The following REC114 variants were observed in gnomAD, a reference collection of about 807,000 sequenced individuals.
REC114 encodes the protein meiotic recombination protein REC114.
A neutral mutation model predicts 31.3 loss-of-function variants in REC114; 27 were observed. That is an observed-to-expected ratio of 0.86 (90% CI 0.64 to 1.19). The LOEUF is 1.19. Ranked by LOEUF, REC114 falls within the 50% of genes most tolerant of loss-of-function variation. The pLI is 0.00. For missense variants in REC114, 344 were observed against 326.9 expected, an observed-to-expected ratio of 1.05 and a Z score of -0.40; for synonymous variants, 134 against 127.7, an observed-to-expected ratio of 1.05 and a Z score of -0.33.
chr15:73,501,139 G>A (rs1893599172), intron 2 of REC114, among the ~76,000 whole-genome samples: 1 of 152,088 alleles, frequency 6.6e-6, no homozygotes, highest in African/African-American at 2.4e-5. Flanking sequence ...GTGTAAATGA[G>A]GTTATGGTAT....
intron 2 of REC114, among the ~76,000 whole-genome samples, chr15:73,503,032 A>T (rs1468239511): frequency 1.3e-5 from 2 of 152,234 alleles, no homozygotes; most frequent in African/African-American, 4.8e-5. Context: ...GTTTGCAAGG[A>T]TGCAGAATAA....
At chr15:73,489,796 G>A (rs1224746449) in intron 2 of REC114, among the ~76,000 whole-genome samples, 1 of 151,610 alleles carries the variant, frequency 6.6e-6, no homozygotes, top group Admixed American at 6.6e-5. Context: ...CCTTCCTCAG[G>A]CAGCAGTTCC....
chr15:73,477,758 C>G (rs1273137378), intron 2 of REC114, among the ~76,000 whole-genome samples: 1 of 152,052 alleles, frequency 6.6e-6, no homozygotes, highest in Non-Finnish European at 1.5e-5. Context: ...AAGCTTTATG[C>G]TTTCAGCTCT....
intron 2 of REC114, among the ~76,000 whole-genome samples, chr15:73,480,419 T>C (rs1196786160): frequency 6.6e-6 from 1 of 151,976 alleles, no homozygotes; most frequent in Admixed American, 6.6e-5. Context: ...TGTAGAAGTA[T>C]TTGATTTTTT....
intron 2 of REC114, among the ~76,000 whole-genome samples, chr15:73,490,342 A>G (rs1893426160): frequency 6.6e-6 from 1 of 152,242 alleles, no homozygotes; most frequent in Non-Finnish European, 1.5e-5. Flanking sequence ...CTTTGAATAT[A>G]TGTTGAAATA....
chr15:73,542,823 G>A (rs768976432), intron 3 of REC114, among the ~76,000 whole-genome samples: 49 of 152,168 alleles, frequency 3.2e-4, no homozygotes, highest in Non-Finnish European at 5.1e-4. Flanking sequence ...GCTTGGTAGC[G>A]TGTTATTGTT....
chr15:73,446,641 A>C (rs1892768647), intron 1 of REC114, among the ~76,000 whole-genome samples: 1 of 148,014 alleles, frequency 6.8e-6, no homozygotes, highest in Admixed American at 6.7e-5. Flanking sequence ...CTCTGTCTCA[A>C]AAAAAAAAAA....
chr15:73,522,345 T>C (rs1235704587), intron 2 of REC114, among the ~76,000 whole-genome samples: 1 of 152,196 alleles, frequency 6.6e-6, no homozygotes, highest in South Asian at 2.1e-4. Flanking sequence ...TCCCCCTTTT[T>C]CCATCTTTAT....
chr15:73,458,282 G>A (rs1332483980), intron 1 of REC114, among the ~76,000 whole-genome samples: 1 of 152,152 alleles, frequency 6.6e-6, no homozygotes, highest in Non-Finnish European at 1.5e-5. Flanking sequence ...ACAAAAAGCT[G>A]AGGCCTAATT....
chr15:73,448,281 A>C (rs1375149611), intron 1 of REC114, among the ~76,000 whole-genome samples: 1 of 151,888 alleles, frequency 6.6e-6, no homozygotes, highest in Admixed American at 6.6e-5. Context: ...CAGCAGTCTG[A>C]GGTTGACCTG....
chr15:73,514,317 G>A (rs372112491), intron 2 of REC114, among the ~76,000 whole-genome samples: 3 of 151,434 alleles, frequency 2.0e-5, no homozygotes, highest in Admixed American at 6.6e-5. Flanking sequence ...CACGGTGCGC[G>A]CACCCACTGG....
intron 2 of REC114, among the ~76,000 whole-genome samples, chr15:73,526,370 TTTTG>T (rs751218439): frequency 2.0e-5 from 3 of 152,214 alleles, no homozygotes; most frequent in African/African-American, 4.8e-5. Context: ...TCACATCTAT[TTTTG>T]TTTGTTTCTT....
chr15:73,547,097 A>C (rs1419818126), intron 3 of REC114, among the ~76,000 whole-genome samples: 2 of 152,174 alleles, frequency 1.3e-5, no homozygotes, highest in African/African-American at 4.8e-5. Flanking sequence ...TCTGCACAGC[A>C]AAGTGAAGAG....
chr15:73,540,211 T>C (rs80160735), intron 2 of REC114, among the ~76,000 whole-genome samples: 1 of 152,104 alleles, frequency 6.6e-6, no homozygotes, highest in Admixed American at 6.5e-5. Context: ...AATATGACTA[T>C]GGACACTTAA....
At chr15:73,558,713 G>C (rs1445295251) in intron 5 of REC114, among the ~76,000 whole-genome samples, 3 of 152,172 alleles carry the variant, frequency 2.0e-5, no homozygotes, top group Non-Finnish European at 4.4e-5. Flanking sequence ...ACTGCTAGTG[G>C]AATGTAAATG....
At chr15:73,541,881 A>C (rs1194664151) in intron 3 of REC114, among the ~76,000 whole-genome samples, 1 of 152,160 alleles carries the variant, frequency 6.6e-6, no homozygotes, top group African/African-American at 2.4e-5. Flanking sequence ...GCAAAATAAA[A>C]ATCAACCATA....
chr15:73,559,341 G>C (rs1231948241), intron 5 of REC114, among the ~76,000 whole-genome samples: 2 of 152,186 alleles, frequency 1.3e-5, no homozygotes, highest in Non-Finnish European at 2.9e-5. Context: ...CACATAGTAG[G>C]CTGCTCACAT....
At chr15:73,445,078 G>C (rs932044255) in intron 1 of REC114, among the ~76,000 whole-genome samples, 1 of 152,268 alleles carries the variant, frequency 6.6e-6, no homozygotes, top group East Asian at 1.9e-4. Context: ...AGGCTTTGTT[G>C]TTCTATTTAT....
intron 2 of REC114, among the ~76,000 whole-genome samples, chr15:73,509,900 G>A (rs1893737797): frequency 6.6e-6 from 1 of 151,398 alleles, no homozygotes; most frequent in Non-Finnish European, 1.5e-5. Flanking sequence ...TGTTCTTTTG[G>A]CTTAGGATTG....
Sources: allele counts gnomAD v4.1 joint callset (sites outside exome capture counted in the v4.1 genomes callset), GRCh38; gene constraint gnomAD v4.1.1; transcripts MANE v1.5; gene names NCBI Gene and HGNC (gene_info 2026-07-23, HGNC 2026-07-21).